Variants in CD2AP observed in about 807,000 individuals in gnomAD.
CD2AP encodes the protein CD2 associated protein.
In CD2AP, 46 loss-of-function variants were observed where a neutral mutation model predicts 85.1. That is an observed-to-expected ratio of 0.54 (90% CI 0.43 to 0.69). The LOEUF is 0.69. Ranked by LOEUF, CD2AP falls within the 30% of genes least tolerant of loss-of-function variation. The probability of loss-of-function intolerance (pLI) is 0.00; values close to 1 mark genes in which losing one functional copy is unlikely to be tolerated. For synonymous variants in CD2AP, 255 were observed against 252.9 expected (o/e 1.01, Z -0.08); for missense variants, 769 against 729.5 (o/e 1.05, Z -0.62).
At chr6:47,557,641 T>G (rs1767732683) in intron 5 of CD2AP, among the ~76,000 whole-genome samples, 1 of 152,170 alleles carries the variant, frequency 6.6e-6, no homozygotes, top group African/African-American at 2.4e-5. Context: ...GTTGTAGATG[T>G]GTGGTGTTAT....
chr6:47,539,609 C>G (rs1313747306), intron 3 of CD2AP, among the ~76,000 whole-genome samples: 8 of 152,120 alleles, frequency 5.3e-5, no homozygotes, highest in Non-Finnish European at 1.0e-4. Flanking sequence ...CTCATTTTAG[C>G]TATGTAGTCT....
chr6:47,614,947 T>C (rs1223726856), intron 17 of CD2AP, among the ~76,000 whole-genome samples: 11 of 152,222 alleles, frequency 7.2e-5, no homozygotes, highest in Admixed American at 7.2e-4. Flanking sequence ...CCTTTATCTT[T>C]CTTAGCTTTC....
At chr6:47,494,275 CTT>C in intron 1 of CD2AP, among the ~76,000 whole-genome samples, 1 of 152,116 alleles carries the variant, frequency 6.6e-6, no homozygotes, top group Non-Finnish European at 1.5e-5. Context: ...CCTGTAGTGT[CTT>C]TGTTTTTGTC....
At chr6:47,587,807 C>G (rs906938227) in intron 11 of CD2AP, among the ~76,000 whole-genome samples, 1 of 152,090 alleles carries the variant, frequency 6.6e-6, no homozygotes, top group Non-Finnish European at 1.5e-5. Context: ...TCCTCACTTC[C>G]TATACACACA....
intron 2 of CD2AP, among the ~76,000 whole-genome samples, chr6:47,519,582 A>G (rs1267039441): frequency 6.6e-6 from 1 of 152,204 alleles, no homozygotes; most frequent in Non-Finnish European, 1.5e-5. Flanking sequence ...GTGTCAAAGC[A>G]GGGAACTTAC....
intron 4 of CD2AP, among the ~76,000 whole-genome samples, chr6:47,553,905 G>A (rs1172211550): frequency 6.6e-6 from 1 of 152,018 alleles, no homozygotes; most frequent in Non-Finnish European, 1.5e-5. Context: ...AAGAATCACT[G>A]CTCAAGTAAT....
rs762034400 is a variant in CD2AP, at chr6:47,624,266, A to G, written c.*39A>G. On this transcript the variant is annotated 3_prime_UTR_variant, in exon 18 of 18. Transcript: ENST00000359314. ...GGTGTTCATAATGTTCCAGGGATTC[A>G]GAAGCAACGCTATGAACTTCAGCTG... The G allele has an allele frequency of 2.0e-6, 3 of 1,526,092 alleles. No individual in the cohort carries two copies. Among genetic ancestry groups the G allele is most frequent in the Non-Finnish European group, 2.7e-6 (3 of 1,100,174 alleles). The allele number at this position is 1,526,092 out of a possible 1,614,324, so 94.5% of individuals were successfully genotyped here.
At chr6:47,585,067 G>A (rs914059258) in intron 11 of CD2AP, among the ~76,000 whole-genome samples, 5 of 151,950 alleles carry the variant, frequency 3.3e-5, no homozygotes, top group African/African-American at 1.2e-4. Context: ...GCCGAGGTGG[G>A]CGGATCATGA....
intron 2 of CD2AP, among the ~76,000 whole-genome samples, chr6:47,532,509 C>T (rs960389850): frequency 3.3e-5 from 5 of 151,482 alleles, no homozygotes; most frequent in African/African-American, 9.7e-5. Context: ...AAATATGGAA[C>T]GTTTTTCTTG....
intron 1 of CD2AP, among the ~76,000 whole-genome samples, chr6:47,496,425 G>A (rs761664108): frequency 6.6e-6 from 1 of 151,972 alleles, no homozygotes; most frequent in African/African-American, 2.4e-5. Flanking sequence ...ACTTAATTAT[G>A]AATAAGTTTA....
At chr6:47,623,244 G>A (rs1214307257) in intron 17 of CD2AP, among the ~76,000 whole-genome samples, 4 of 152,264 alleles carry the variant, frequency 2.6e-5, no homozygotes, top group East Asian at 1.9e-4. Flanking sequence ...AGTCCTAATC[G>A]TTTAATAATG....
chr6:47,584,914 A>C (rs896262416), intron 11 of CD2AP, among the ~76,000 whole-genome samples: 7 of 152,100 alleles, frequency 4.6e-5, no homozygotes, highest in African/African-American at 1.7e-4. Context: ...CTATTAAAAA[A>C]AATCATGTCA....
At chr6:47,606,360 C>T in intron 14 of CD2AP, 83 bp downstream of exon 14, 1 of 839,280 alleles carries the variant, frequency 1.2e-6, no homozygotes, top group South Asian at 1.4e-5. Context: ...ATAGCTCTAC[C>T]TAAGTTTGAA....
At position 47,478,184 on chromosome 6, in the gene CD2AP, C is replaced by G. The variant is rs1052529182; in HGVS notation, c.-61C>G. ...CCAGCCGCGGGAGCGGCCGCGCGAG[C>G]CACCACTGGAGGAGGAGGAGGAGGA... On this transcript the variant is annotated 5_prime_UTR_variant, in exon 1 of 18. Coordinates refer to ENST00000359314, the MANE Select transcript of CD2AP (RefSeq NM_012120.3). 2.3e-5 allele frequency: 36 copies of G among 1,552,686 alleles called. No individual in the cohort carries two copies. Among genetic ancestry groups the G allele is most frequent in the African/African-American group, 5.5e-5 (4 of 73,192 alleles).
intron 3 of CD2AP, among the ~76,000 whole-genome samples, chr6:47,542,547 A>G (rs1361000236): frequency 2.6e-5 from 4 of 152,178 alleles, no homozygotes; most frequent in Admixed American, 2.6e-4. Context: ...ATGAAAGGGC[A>G]GGAGGGTATT....
chr6:47,570,042 A>G (rs1768107948), intron 5 of CD2AP, among the ~76,000 whole-genome samples: 1 of 152,202 alleles, frequency 6.6e-6, no homozygotes, highest in Non-Finnish European at 1.5e-5. Flanking sequence ...CCACACCTGC[A>G]TGATCGACTT....
intron 17 of CD2AP, among the ~76,000 whole-genome samples, chr6:47,615,194 A>C (rs949462251): frequency 2.0e-5 from 3 of 152,154 alleles, no homozygotes; most frequent in Admixed American, 2.0e-4. Flanking sequence ...AGAATCAACT[A>C]ACTTTTTTGT....
At chr6:47,537,556 A>G (rs1047076293) in intron 3 of CD2AP, among the ~76,000 whole-genome samples, 1 of 152,178 alleles carries the variant, frequency 6.6e-6, no homozygotes, top group African/African-American at 2.4e-5. Flanking sequence ...ATTTTCTCAC[A>G]TTGGCTTTAT....
intron 5 of CD2AP, among the ~76,000 whole-genome samples, chr6:47,567,623 A>G (rs1318616151): frequency 1.3e-5 from 2 of 152,218 alleles, no homozygotes; most frequent in African/African-American, 4.8e-5. Flanking sequence ...CTGTGAAGGA[A>G]TGTGCCCTAG....
Sources: allele counts gnomAD v4.1 joint callset (sites outside exome capture counted in the v4.1 genomes callset), GRCh38; gene constraint gnomAD v4.1.1; transcripts MANE v1.5; gene names NCBI Gene and HGNC (gene_info 2026-07-23, HGNC 2026-07-21).